SLC25A48: variants seen among roughly 807,000 people sequenced by gnomAD.
SLC25A48 encodes the protein solute carrier family 25 member 48.
In SLC25A48, 29 loss-of-function variants were observed where a neutral mutation model predicts 32.2. The ratio of observed to expected loss-of-function variants is 0.90; its 90% CI spans 0.67 to 1.23. The LOEUF (loss-of-function observed/expected upper bound fraction) is 1.23. Among genes scored for constraint, SLC25A48 ranks in the 50% most tolerant of loss-of-function variants. SLC25A48 has a pLI of 0.00. For missense variants in SLC25A48, 399 were observed against 422.7 expected (o/e 0.94, Z 0.49); for synonymous variants, 164 against 172.3 (o/e 0.95, Z 0.38).
chr5:135,834,817 G>C lies in SLC25A48; in HGVS notation c.-31G>C. On this transcript the variant is annotated 5_prime_UTR_variant, in exon 1 of 8. Coordinates refer to ENST00000681962, the MANE Select transcript of SLC25A48 (RefSeq NM_001349336.2). ...ACTGACTCTAAGTGGGCACTGCCCC[G>C]GCTCCGGGAGGGCGAGACCGAGCGC... 1 of 1,573,294 alleles carries C rather than the reference G, an allele frequency of 6.4e-7. No homozygotes were observed.
chr5:135,861,427 A>C (rs959275335), intron 4 of SLC25A48, among the ~76,000 whole-genome samples: 4 of 152,142 alleles, frequency 2.6e-5, no homozygotes, highest in African/African-American at 9.7e-5. Context: ...GAACCCAAAA[A>C]AGGTTAGACA....
At chr5:135,818,611 C>T (rs1187459361) in intron 4 of SLC25A48, among the ~76,000 whole-genome samples, 1 of 152,192 alleles carries the variant, frequency 6.6e-6, no homozygotes, top group Non-Finnish European at 1.5e-5. Context: ...AAAACATCAG[C>T]TCTCTACAGA....
At chr5:135,887,175 A>G (rs1581078017) in intron 7 of SLC25A48, among the ~76,000 whole-genome samples, 1 of 152,200 alleles carries the variant, frequency 6.6e-6, no homozygotes, top group African/African-American at 2.4e-5. Context: ...TATGAAAATA[A>G]CGATTCTTTC....
intron 4 of SLC25A48, among the ~76,000 whole-genome samples, chr5:135,814,101 A>G (rs1239221151): frequency 2.0e-5 from 3 of 152,198 alleles, no homozygotes; most frequent in Non-Finnish European, 4.4e-5. Flanking sequence ...ATGAAATGGA[A>G]TCTGCGCTGC....
chr5:135,626,882 C>G (rs189830827), intron 1 of SLC25A48, among the ~76,000 whole-genome samples: 1 of 152,166 alleles, frequency 6.6e-6, no homozygotes, highest in East Asian at 1.9e-4. Context: ...CCAGACCTTC[C>G]GATGCTCCTT....
At chr5:135,580,760 C>T (rs1247964896) in intron 1 of SLC25A48, among the ~76,000 whole-genome samples, 4 of 152,076 alleles carry the variant, frequency 2.6e-5, no homozygotes, top group Non-Finnish European at 4.4e-5. Flanking sequence ...AACATTTTCA[C>T]GCAAGTAAAA....
chr5:135,807,745 A>C (rs1757496226), intron 3 of SLC25A48, among the ~76,000 whole-genome samples: 1 of 147,066 alleles, frequency 6.8e-6, no homozygotes. Flanking sequence ...AGAGATTATA[A>C]ATATCATAGA....
At chr5:135,794,644 C>T (rs1423099320) in intron 3 of SLC25A48, among the ~76,000 whole-genome samples, 2 of 151,582 alleles carry the variant, frequency 1.3e-5, no homozygotes, top group African/African-American at 4.8e-5. Context: ...CTCCCAAGAT[C>T]GCAGGGGGTG....
At chr5:135,765,882 G>C (rs570384297) in intron 3 of SLC25A48, among the ~76,000 whole-genome samples, 1 of 136,134 alleles carries the variant, frequency 7.3e-6, no homozygotes, top group African/African-American at 2.8e-5. Context: ...ATTGCAGGGG[G>C]CATACACCCT....
intron 2 of SLC25A48, among the ~76,000 whole-genome samples, chr5:135,630,588 C>CT (rs869088370): frequency 0.13 from 7,349 of 58,662 alleles, 1,605 homozygotes; most frequent in Non-Finnish European, 0.15. Context: ...GGCTGGGCAC[C>CT]TTTTTTTTTT....
chr5:135,657,364 C>A (rs1753277632), intron 3 of SLC25A48, among the ~76,000 whole-genome samples: 1 of 152,204 alleles, frequency 6.6e-6, no homozygotes, highest in African/African-American at 2.4e-5. Context: ...TAGAACAGGG[C>A]TTTCTGTGGG....
chr5:135,740,421 C>T (rs372876404), intron 3 of SLC25A48, among the ~76,000 whole-genome samples: 3 of 152,230 alleles, frequency 2.0e-5, no homozygotes, highest in East Asian at 3.9e-4. Context: ...TCTTGAACTC[C>T]TGACCTCAAG....
chr5:135,887,137 C>G (rs895783231), intron 7 of SLC25A48, among the ~76,000 whole-genome samples: 2 of 151,978 alleles, frequency 1.3e-5, no homozygotes, highest in African/African-American at 4.8e-5. Context: ...AATAATAAAC[C>G]CATGACATTT....
At chr5:135,630,588 CTTTTTTTTTTTTTTTTT>C (rs869088370) in intron 2 of SLC25A48, among the ~76,000 whole-genome samples, 16 of 58,928 alleles carry the variant, frequency 2.7e-4, no homozygotes, top group South Asian at 9.8e-4. Flanking sequence ...GGCTGGGCAC[CTTTTTTTTTTTTTTTTT>C]TTTTTTTTTT....
chr5:135,850,475 C>T lies in SLC25A48; in HGVS notation c.141C>T (p.Arg47=), dbSNP rs376435728. The stretch of plus-strand genomic sequence containing the variant: ...ACGGAAACACCCTCAGCTGCATCCG[C>T]GTGGTGTACAGGAGGGAGAGTGTAA... The part of the protein sequence containing the change: ...VGYGNTLSCI[R]VVYRRESMFG... Residue 47 remains arginine (R), a synonymous_variant, in exon 3 of 8, where the codon CGC becomes CGT. Transcript: ENST00000681962. 133 of 1,614,022 alleles carry T rather than the reference C, an allele frequency of 8.2e-5. No individual in the cohort carries two copies. Among genetic ancestry groups the T allele is most frequent in the Non-Finnish European group, 1.1e-4 (127 of 1,180,042 alleles).
intron 3 of SLC25A48, among the ~76,000 whole-genome samples, chr5:135,693,035 G>A (rs1311467449): frequency 1.3e-5 from 2 of 152,148 alleles, no homozygotes; most frequent in Admixed American, 6.5e-5. Context: ...AATTTCAAAA[G>A]TGTTTGTGTT....
chr5:135,666,554 T>C (rs1753528904), intron 3 of SLC25A48, among the ~76,000 whole-genome samples: 1 of 152,024 alleles, frequency 6.6e-6, no homozygotes, highest in Non-Finnish European at 1.5e-5. Context: ...GGGACCAACT[T>C]ATAGCCACGG....
At chr5:135,670,627 T>C (rs1753633881) in intron 3 of SLC25A48, among the ~76,000 whole-genome samples, 1 of 152,220 alleles carries the variant, frequency 6.6e-6, no homozygotes, top group Non-Finnish European at 1.5e-5. Context: ...AGATAGTGCA[T>C]GTTCAGTGCT....
At chr5:135,800,522 T>G (rs1013751545) in intron 3 of SLC25A48, among the ~76,000 whole-genome samples, 2 of 151,870 alleles carry the variant, frequency 1.3e-5, no homozygotes, top group African/African-American at 4.8e-5. Flanking sequence ...GCAGGGGGTG[T>G]ACACCCCGCC....
Sources: allele counts gnomAD v4.1 joint callset (sites outside exome capture counted in the v4.1 genomes callset), GRCh38; gene constraint gnomAD v4.1.1; transcripts MANE v1.5; gene names NCBI Gene and HGNC (gene_info 2026-07-23, HGNC 2026-07-21).